HIPK2: variants seen among roughly 807,000 people sequenced by gnomAD.
HIPK2 encodes homeodomain interacting protein kinase 2, also known as homeodomain-interacting protein kinase 2.
Under a neutral mutation model 113.7 loss-of-function variants are expected in HIPK2, and 27 were observed. The observed-to-expected ratio is 0.24, with a 90% confidence interval of 0.17 to 0.33. HIPK2 has a LOEUF of 0.33. HIPK2 is among the 10% of genes least tolerant of loss of function. The probability of loss-of-function intolerance (pLI) is 1.00; values close to 1 mark genes in which losing one functional copy is unlikely to be tolerated. For synonymous variants in HIPK2, 631 were observed against 642.2 expected (o/e 0.98, Z 0.26); for missense variants, 1,257 against 1,588.0 (o/e 0.79, Z 3.54).
At chr7:139,623,379 G>A (rs543650903) in intron 6 of HIPK2, among the ~76,000 whole-genome samples, 6 of 152,028 alleles carry the variant, frequency 3.9e-5, no homozygotes, top group South Asian at 2.1e-4. Context: ...GGTGTGGTGC[G>A]TGTGCCTGCA....
At chr7:139,687,399 G>A (rs1794257669) in intron 2 of HIPK2, among the ~76,000 whole-genome samples, 1 of 152,142 alleles carries the variant, frequency 6.6e-6, no homozygotes, top group Admixed American at 6.5e-5. Context: ...TCACTGTATT[G>A]CAATATTCAC....
At chr7:139,675,579 G>A (rs1248734706) in intron 2 of HIPK2, among the ~76,000 whole-genome samples, 1 of 152,208 alleles carries the variant, frequency 6.6e-6, no homozygotes, top group East Asian at 1.9e-4. Flanking sequence ...CAAGAAGCCT[G>A]AGAGTTACTG....
chr7:139,715,769 A>T (rs1795212602), intron 2 of HIPK2, 163 bp downstream of exon 2: 1 of 585,718 alleles, frequency 1.7e-6, no homozygotes, highest in Non-Finnish European at 2.1e-6. Context: ...TCTAATTGAC[A>T]TCGCAATGTG....
intron 2 of HIPK2, among the ~76,000 whole-genome samples, chr7:139,694,306 C>T (rs1264168733): frequency 6.6e-6 from 1 of 152,174 alleles, no homozygotes; most frequent in Admixed American, 6.5e-5. Context: ...CACAAGACAC[C>T]AGATATGTAT....
intron 5 of HIPK2, 23 bp downstream of exon 5, chr7:139,628,930 G>T: frequency 6.4e-7 from 1 of 1,574,726 alleles, no homozygotes. Flanking sequence ...GGCTTACGTT[G>T]CATACTCACC....
chr7:139,580,362 C>CA (rs1409844856), intron 13 of HIPK2, among the ~76,000 whole-genome samples: 1 of 152,184 alleles, frequency 6.6e-6, no homozygotes, highest in Non-Finnish European at 1.5e-5. Context: ...GGGGTTGAGT[C>CA]AGAGCTTGCC....
chr7:139,734,021 T>C (rs1363443851), intron 1 of HIPK2, among the ~76,000 whole-genome samples: 1 of 152,202 alleles, frequency 6.6e-6, no homozygotes, highest in Non-Finnish European at 1.5e-5. Context: ...ACTTAGGCCA[T>C]CCTAACCAGT....
At chr7:139,670,212 T>C (rs1585356663) in intron 2 of HIPK2, among the ~76,000 whole-genome samples, 1 of 152,014 alleles carries the variant, frequency 6.6e-6, no homozygotes, top group African/African-American at 2.4e-5. Flanking sequence ...CGGGTTGGGG[T>C]TGCCAGACTC....
At chr7:139,610,902 G>C (rs533175361) in intron 9 of HIPK2, among the ~76,000 whole-genome samples, 1 of 152,350 alleles carries the variant, frequency 6.6e-6, no homozygotes, top group South Asian at 2.1e-4. Context: ...CACATGGCAG[G>C]ATCCAGGATC....
At chr7:139,662,839 G>A (rs566754540) in intron 2 of HIPK2, among the ~76,000 whole-genome samples, 2 of 152,158 alleles carry the variant, frequency 1.3e-5, no homozygotes, top group African/African-American at 4.8e-5. Context: ...GGCTGGTCTC[G>A]AACTCCTGAC....
intron 1 of HIPK2, among the ~76,000 whole-genome samples, chr7:139,747,195 G>A (rs1009456122): frequency 6.6e-6 from 1 of 152,190 alleles, no homozygotes; most frequent in Non-Finnish European, 1.5e-5. Context: ...CACACTCCCT[G>A]CAGCAGCCAT....
chr7:139,711,202 C>T (rs912628973), intron 2 of HIPK2, among the ~76,000 whole-genome samples: 29 of 151,738 alleles, frequency 1.9e-4, no homozygotes, highest in African/African-American at 5.8e-4. Flanking sequence ...CCAAGGCAGG[C>T]GGATCACAAG....
chr7:139,680,391 C>T (rs956761521), intron 2 of HIPK2, among the ~76,000 whole-genome samples: 1 of 152,252 alleles, frequency 6.6e-6, no homozygotes, highest in African/African-American at 2.4e-5. Context: ...ACAACCCAGA[C>T]AAGCCAAGTC....
chr7:139,641,849 A>G (rs17161078), intron 2 of HIPK2, among the ~76,000 whole-genome samples: 12,722 of 152,286 alleles, frequency 0.084, 599 homozygotes, highest in African/African-American at 0.1. Context: ...CTTGGGTAAT[A>G]AATCTGCAGC....
At chr7:139,731,840 C>T (rs1672673217) in intron 1 of HIPK2, among the ~76,000 whole-genome samples, 1 of 152,192 alleles carries the variant, frequency 6.6e-6, no homozygotes, top group Non-Finnish European at 1.5e-5. Context: ...CATGTTACAA[C>T]TGTTTTGTTC....
intron 2 of HIPK2, among the ~76,000 whole-genome samples, chr7:139,665,713 T>C (rs1047176432): frequency 1.1e-4 from 16 of 152,192 alleles, no homozygotes; most frequent in African/African-American, 3.9e-4. Context: ...TCTAAATGAG[T>C]GCCTGGGCCT....
intron 1 of HIPK2, among the ~76,000 whole-genome samples, chr7:139,739,592 A>G (rs1325789400): frequency 6.6e-6 from 1 of 152,094 alleles, no homozygotes; most frequent in Non-Finnish European, 1.5e-5. Context: ...CTCCAAAAAA[A>G]AAAAAAAGGT....
chr7:139,574,164 C>T (rs1364245846), intron 14 of HIPK2, among the ~76,000 whole-genome samples: 1 of 152,152 alleles, frequency 6.6e-6, no homozygotes, highest in African/African-American at 2.4e-5. Flanking sequence ...TTCTTACTCA[C>T]TGTAAAATCT....
At chr7:139,600,318 C>T (rs1303437955) in intron 11 of HIPK2, 99 bp downstream of exon 11, 4 of 1,348,874 alleles carry the variant, frequency 3.0e-6, no homozygotes, top group South Asian at 1.4e-5. Flanking sequence ...ATGCAACTGT[C>T]CCATGTTCAG....
Sources: allele counts gnomAD v4.1 joint callset (sites outside exome capture counted in the v4.1 genomes callset), GRCh38; gene constraint gnomAD v4.1.1; transcripts MANE v1.5; gene names NCBI Gene and HGNC (gene_info 2026-07-23, HGNC 2026-07-21).